The following DOP1A variants were observed in gnomAD, a reference collection of about 807,000 sequenced individuals.
DOP1A encodes protein DOP1A.
DOP1A carries 90 observed loss-of-function variants against 267.6 expected under a neutral mutation model. That is an observed-to-expected ratio of 0.34 (90% confidence interval 0.28 to 0.40). The LOEUF (loss-of-function observed/expected upper bound fraction) is 0.40. Among genes scored for constraint, DOP1A ranks in the 10% least tolerant of loss-of-function variants. The pLI is 1.00. For synonymous variants in DOP1A, 932 were observed against 999.1 expected, an observed-to-expected ratio of 0.93 and a Z score of 1.27; for missense variants, 2,437 against 2,900.4, an observed-to-expected ratio of 0.84 and a Z score of 3.67.
chr6:83,156,485 C>G (rs1187167738), intron 34 of DOP1A, among the ~76,000 whole-genome samples: 4 of 152,130 alleles, frequency 2.6e-5, no homozygotes, highest in Non-Finnish European at 5.9e-5. Flanking sequence ...AGAAGTAACA[C>G]CTGGAGATCT....
chr6:83,147,207 A>C, intron 25 of DOP1A, 29 bp from the exon 26 acceptor site: 2 of 1,241,982 alleles, frequency 1.6e-6, no homozygotes, highest in Admixed American at 2.0e-5. Context: ...ATTCTTCTTC[A>C]CTACAAAATT....
intron 28 of DOP1A, 66 bp from the exon 29 acceptor site, chr6:83,151,817 C>A: frequency 6.6e-7 from 1 of 1,510,154 alleles, no homozygotes; most frequent in Non-Finnish European, 9.1e-7. Context: ...GAAATATAAA[C>A]TACAGAAGTT....
chr6:83,156,844 A>C (rs1478775614), intron 34 of DOP1A, among the ~76,000 whole-genome samples: 1 of 152,040 alleles, frequency 6.6e-6, no homozygotes, highest in Non-Finnish European at 1.5e-5. Flanking sequence ...TTTTTTGTTT[A>C]AGTTGACTAG....
intron 4 of DOP1A, among the ~76,000 whole-genome samples, chr6:83,104,419 T>C (rs977037994): frequency 1.3e-5 from 2 of 152,158 alleles, no homozygotes; most frequent in African/African-American, 4.8e-5. Flanking sequence ...CTGGAATATA[T>C]CCAGTTGGCT....
Position 83,121,960 on chromosome 6 carries a change from A to G in DOP1A, c.1130A>G (p.Glu377Gly), listed in dbSNP as rs759967868. The G allele has an allele frequency of 6.2e-7, 1 of 1,608,720 alleles. No homozygotes were observed. Among genetic ancestry groups the G allele is most frequent in the African/African-American group, 1.3e-5 (1 of 74,706 alleles). ...GPVILEDVLI[E>G]VFRTLYSQCK... Reference sequence around the variant, plus strand: ...GTAATTCTAGAAGATGTCCTGATTGAAGTGTTTAGAACATTATATTCTCAA... The same window carrying G: ...GTAATTCTAGAAGATGTCCTGATTGGAGTGTTTAGAACATTATATTCTCAA... Residue 377 changes from glutamate (E) to glycine (G), a missense_variant, in exon 11 of 39, where the codon GAA (glutamate) becomes GGA (glycine). Glu to Gly is a moderately conservative substitution (Grantham distance 98). Transcript: ENST00000349129.
chr6:83,161,901 T>G lies in DOP1A; in HGVS notation c.6963-889T>G, dbSNP rs546888841. 5.3e-5 allele frequency among the ~76,000 whole-genome samples: 8 copies of G among 152,304 alleles called. No homozygotes were observed. In the South Asian group the frequency reaches 1.7e-3, roughly 32 times the overall value. On this transcript the variant is annotated intron_variant, in intron 37 of 38. Transcript: ENST00000349129. Reference sequence around the variant, plus strand: ...CTTAAGAGTATCCACTGTGGTACTTTGTAAGTGCAAGAAGTTGGACAATCT... The same window carrying G: ...CTTAAGAGTATCCACTGTGGTACTTGGTAAGTGCAAGAAGTTGGACAATCT...
In DOP1A at chr6:83,137,948, T is replaced by A. The variant is rs374678225; in HGVS notation, c.3906T>A (p.Leu1302=). ...CAGGAGCAAAACCTAAAGTAAAACT[T>A]GCCAGAAAAAAGGATGATGACAAGA... is the stretch of plus-strand genomic sequence containing the variant. The part of the protein sequence containing the change: ...KQPGAKPKVK[L]ARKKDDDKKK... The change falls in exon 21 of 39, where the codon CTT becomes CTA. Residue 1302 remains leucine, a synonymous_variant. Transcript: ENST00000349129. 1 of 1,603,892 alleles carries A rather than the reference T, an allele frequency of 6.2e-7. No individual in the cohort carries two copies. Among genetic ancestry groups the A allele is most frequent in the African/African-American group, 1.4e-5 (1 of 73,946 alleles).
At chr6:83,104,236 GGT>G (rs1773147984) in intron 4 of DOP1A, among the ~76,000 whole-genome samples, 1 of 151,930 alleles carries the variant, frequency 6.6e-6, no homozygotes, top group Admixed American at 6.6e-5. Context: ...ATCTGTGAAT[GGT>G]GAGTTTTCTT....
intron 1 of DOP1A, among the ~76,000 whole-genome samples, chr6:83,071,871 C>G (rs1443894897): frequency 6.6e-6 from 1 of 152,010 alleles, no homozygotes; most frequent in African/African-American, 2.4e-5. Context: ...AATCAGAAAA[C>G]AAGTGGGAAC....
intron 1 of DOP1A, among the ~76,000 whole-genome samples, chr6:83,069,828 G>A (rs1227980401): frequency 2.0e-5 from 3 of 152,060 alleles, no homozygotes; most frequent in Non-Finnish European, 2.9e-5. Flanking sequence ...AAGACTTGTT[G>A]ATAATGGCAT....
chr6:83,168,770 T>G, downstream of DOP1A: 6 of 1,001,732 alleles, frequency 6.0e-6, no homozygotes, highest in Non-Finnish European at 7.2e-6. Flanking sequence ...AGTCATCTAA[T>G]AATCTTTCTT....
At chr6:83,135,483 G>A in intron 19 of DOP1A, 136 bp from the exon 20 acceptor site, 2 of 970,886 alleles carry the variant, frequency 2.1e-6, no homozygotes, top group Non-Finnish European at 2.9e-6. Flanking sequence ...AAAATACTAT[G>A]ATCAAAATTT....
intron 27 of DOP1A, among the ~76,000 whole-genome samples, chr6:83,151,125 T>A (rs1284995732): frequency 1.3e-5 from 2 of 152,238 alleles, no homozygotes; most frequent in East Asian, 3.8e-4. Flanking sequence ...CTGTAATTTT[T>A]CATTGTTGTT....
chr6:83,149,575 A>G (rs1204764225), intron 27 of DOP1A, among the ~76,000 whole-genome samples: 1 of 152,118 alleles, frequency 6.6e-6, no homozygotes, highest in African/African-American at 2.4e-5. Context: ...ATGGGGCAGG[A>G]TCTTGAATTT....
intron 7 of DOP1A, among the ~76,000 whole-genome samples, chr6:83,118,405 A>C (rs1775820623): frequency 6.6e-6 from 1 of 152,174 alleles, no homozygotes; most frequent in Admixed American, 6.5e-5. Flanking sequence ...TGATTGGTAG[A>C]AAACGGTTTA....
intron 4 of DOP1A, 48 bp downstream of exon 4, chr6:83,100,934 A>G (rs1319300850): frequency 8.4e-7 from 1 of 1,192,108 alleles, no homozygotes; most frequent in African/African-American, 1.6e-5. Context: ...AAGAAAATGT[A>G]TTGCTAAACT....
At chr6:83,068,396 C>T (rs567054426) in intron 1 of DOP1A, among the ~76,000 whole-genome samples, 1 of 152,232 alleles carries the variant, frequency 6.6e-6, no homozygotes, top group South Asian at 2.1e-4. Flanking sequence ...GTCACTTGTT[C>T]GGGCCTCCTC....
At chr6:83,101,291 C>G (rs964392975) in intron 4 of DOP1A, among the ~76,000 whole-genome samples, 2 of 152,242 alleles carry the variant, frequency 1.3e-5, no homozygotes, top group Non-Finnish European at 2.9e-5. Flanking sequence ...GCTGGGATTA[C>G]AGGCATAAGC....
chr6:83,085,819 T>C (rs2128061538), intron 1 of DOP1A, among the ~76,000 whole-genome samples: 1 of 150,234 alleles, frequency 6.7e-6, no homozygotes, highest in East Asian at 1.9e-4. Context: ...TTATGTTATG[T>C]TATGTTATGT....
Sources: allele counts gnomAD v4.1 joint callset (sites outside exome capture counted in the v4.1 genomes callset), GRCh38; gene constraint gnomAD v4.1.1; transcripts MANE v1.5; gene names NCBI Gene and HGNC (gene_info 2026-07-23, HGNC 2026-07-21).